The following GOLGA5 variants were observed in gnomAD, a reference collection of about 807,000 sequenced individuals.
The protein encoded by GOLGA5 is golgin subfamily A member 5.
Under a neutral mutation model 93.5 loss-of-function variants are expected in GOLGA5, and 50 were observed. The observed-to-expected ratio is 0.53, with a 90% CI of 0.43 to 0.68. The LOEUF (loss-of-function observed/expected upper bound fraction) is 0.68, where lower values mean the gene tolerates loss of function less well. Ranked by LOEUF, GOLGA5 falls within the 30% of genes least tolerant of loss-of-function variation. The pLI is 0.00. For synonymous variants in GOLGA5, 312 were observed against 304.5 expected (o/e 1.02, Z -0.26); for missense variants, 760 against 856.4 (o/e 0.89, Z 1.40).
At chr14:92,832,986 T>C in intron 9 of GOLGA5, 136 bp from the exon 10 acceptor site, 1 of 622,894 alleles carries the variant, frequency 1.6e-6, no homozygotes, top group Non-Finnish European at 2.8e-6. Flanking sequence ...AAATCACTTT[T>C]GTAGACATTG....
At chr14:92,804,523 C>T (rs918143183) in intron 2 of GOLGA5, among the ~76,000 whole-genome samples, 12 of 152,160 alleles carry the variant, frequency 7.9e-5, no homozygotes, top group African/African-American at 2.7e-4. Flanking sequence ...CTGCACCCTC[C>T]GCACAATTAA....
At chr14:92,829,500 A>G (rs1275556334) in intron 9 of GOLGA5, among the ~76,000 whole-genome samples, 1 of 152,192 alleles carries the variant, frequency 6.6e-6, no homozygotes, top group African/African-American at 2.4e-5. Context: ...CATTGAAAGA[A>G]GTAATTGCAC....
chr14:92,831,518 G>C (rs1885530315), intron 9 of GOLGA5, among the ~76,000 whole-genome samples: 1 of 152,044 alleles, frequency 6.6e-6, no homozygotes, highest in African/African-American at 2.4e-5. Context: ...ATAGAAATCA[G>C]AATAGTGATT....
intron 7 of GOLGA5, among the ~76,000 whole-genome samples, chr14:92,819,246 C>T (rs1360677907): frequency 3.3e-5 from 5 of 152,066 alleles, no homozygotes; most frequent in African/African-American, 1.2e-4. Context: ...CTGCTGTTAG[C>T]CATAGTAGAC....
At chr14:92,816,519 CTCGCTTCTCTTCGCT>C in intron 7 of GOLGA5, 98 bp downstream of exon 7, 1 of 903,902 alleles carries the variant, frequency 1.1e-6, no homozygotes, top group Admixed American at 2.5e-5. Context: ...CGATAGGTTT[CTCGCTTCTCTTCGCT>C]TCGCTTCGCT....
At chr14:92,795,379 G>A (rs1884703566) in intron 1 of GOLGA5, among the ~76,000 whole-genome samples, 1 of 152,206 alleles carries the variant, frequency 6.6e-6, no homozygotes. Flanking sequence ...AGGTTTTTTA[G>A]ATTTTGAGCT....
At chr14:92,824,037 T>C in intron 8 of GOLGA5, among the ~76,000 whole-genome samples, 1 of 152,174 alleles carries the variant, frequency 6.6e-6, no homozygotes, top group East Asian at 1.9e-4. Flanking sequence ...AAACTATTGA[T>C]TTTTATATAT....
intron 7 of GOLGA5, among the ~76,000 whole-genome samples, chr14:92,818,008 A>T (rs1885243898): frequency 6.6e-6 from 1 of 152,106 alleles, no homozygotes; most frequent in Admixed American, 6.6e-5. Context: ...TCATTAAAGT[A>T]GGATTTTTTT....
intron 6 of GOLGA5, 94 bp from the exon 7 acceptor site, chr14:92,816,156 AT>A (rs1366387021): frequency 3.1e-5 from 25 of 814,612 alleles, no homozygotes; most frequent in Non-Finnish European, 4.1e-5. Flanking sequence ...AGATAATGGA[AT>A]TTTTTTTAGT....
intron 8 of GOLGA5, among the ~76,000 whole-genome samples, chr14:92,820,832 G>A (rs973056241): frequency 1.2e-4 from 19 of 152,334 alleles, no homozygotes; most frequent in Admixed American, 3.9e-4. Context: ...ACATGTTTTT[G>A]TGAGCTCAAG....
intron 3 of GOLGA5, among the ~76,000 whole-genome samples, chr14:92,808,009 C>T (rs527508601): frequency 1.4e-4 from 21 of 151,658 alleles, no homozygotes; most frequent in Non-Finnish European, 2.4e-4. Flanking sequence ...CCGAGGCGGG[C>T]GGATCACAAG....
At chr14:92,816,451 A>G in intron 7 of GOLGA5, 30 bp downstream of exon 7, 1 of 1,583,988 alleles carries the variant, frequency 6.3e-7, no homozygotes, top group Non-Finnish European at 8.7e-7. Context: ...AGCTTAGTAG[A>G]CACCATTTAC....
chr14:92,798,547 C>T (rs943167696), intron 2 of GOLGA5, among the ~76,000 whole-genome samples: 2 of 152,206 alleles, frequency 1.3e-5, no homozygotes, highest in Non-Finnish European at 2.9e-5. Flanking sequence ...ATTACCTCTA[C>T]AAGTACACCT....
At chr14:92,800,526 A>G (rs1884847684) in intron 2 of GOLGA5, among the ~76,000 whole-genome samples, 2 of 152,254 alleles carry the variant, frequency 1.3e-5, no homozygotes, top group South Asian at 4.1e-4. Flanking sequence ...CCCTTGTGTC[A>G]TACTGTTTAT....
Position 92,833,252 on chromosome 14 carries a change from T to C in GOLGA5, c.1850T>C (p.Phe617Ser). The C allele has an allele frequency of 6.2e-7, 1 of 1,613,878 alleles. No individual in the cohort carries two copies. The highest frequency in any genetic ancestry group is 8.5e-7 in the Non-Finnish European group (1 of 1,179,798). ...SLSTEKNSLVFQLERLEQQMN... is the reference protein window; with the variant it reads ...SLSTEKNSLVSQLERLEQQMN... ...AGCACAGAAAAGAACTCCCTGGTCT[T>C]TCAACTGGAGCGCCTCGAACAGCAG... The change falls in exon 10 of 13, where the codon TTT becomes TCT. Residue 617 changes from phenylalanine to serine, a missense_variant. Phe to Ser is a radical substitution (Grantham distance 155). Transcript: ENST00000163416.
intron 1 of GOLGA5, among the ~76,000 whole-genome samples, chr14:92,795,689 T>C (rs1178743526): frequency 1.3e-5 from 2 of 151,464 alleles, no homozygotes; most frequent in East Asian, 3.9e-4. Flanking sequence ...ATAATCTTTA[T>C]CCAGCCACTG....
chr14:92,829,138 T>C (rs1003270142), intron 9 of GOLGA5, among the ~76,000 whole-genome samples: 1 of 152,132 alleles, frequency 6.6e-6, no homozygotes, highest in African/African-American at 2.4e-5. Context: ...CTACTTTTGT[T>C]TTTTTGTAGA....
intron 1 of GOLGA5, among the ~76,000 whole-genome samples, chr14:92,795,250 C>A (rs1334037430): frequency 1.3e-5 from 2 of 152,150 alleles, no homozygotes; most frequent in African/African-American, 4.8e-5. Context: ...GTATGGTGTT[C>A]TGTATGTTAC....
intron 7 of GOLGA5, among the ~76,000 whole-genome samples, chr14:92,816,996 C>T (rs1408042979): frequency 5.9e-5 from 9 of 151,328 alleles, no homozygotes; most frequent in Non-Finnish European, 8.8e-5. Flanking sequence ...AGTGCAGTGG[C>T]GTGATCTCGG....
Sources: gnomAD v4.1 joint callset for allele counts (sites outside exome capture counted in the v4.1 genomes callset) on GRCh38, gnomAD v4.1.1 for gene constraint, MANE v1.5 for transcripts, NCBI Gene and HGNC (gene_info 2026-07-23, HGNC 2026-07-21) for gene names.